The following S100B variants were observed in gnomAD, a reference collection of about 807,000 sequenced individuals.
The protein encoded by S100B is protein S100-B.
In S100B, 6 loss-of-function variants were observed where a neutral mutation model predicts 7.7. The ratio of observed to expected loss-of-function variants is 0.78; its 90% confidence interval spans 0.43 to 1.54. The LOEUF is 1.54. Among genes scored for constraint, S100B ranks in the 40% most tolerant of loss-of-function variants. S100B has a pLI of 0.01. For synonymous variants in S100B, 36 were observed against 40.4 expected (o/e 0.89, Z 0.41); for missense variants, 99 against 111.8 (o/e 0.89, Z 0.52).
At chr21:46,600,588 C>T (rs1279087230) in intron 2 of S100B, among the ~76,000 whole-genome samples, 1 of 152,026 alleles carries the variant, frequency 6.6e-6, no homozygotes, top group East Asian at 1.9e-4. Flanking sequence ...ATTGTAACTC[C>T]ACGGGGGTAG....
chr21:46,599,857 TTC>T (rs1326159932), intron 2 of S100B, among the ~76,000 whole-genome samples: 3 of 152,214 alleles, frequency 2.0e-5, no homozygotes, highest in Admixed American at 2.0e-4. Flanking sequence ...TCCTAAACTT[TTC>T]GTGTGTTCTG....
chr21:46,601,443 G>A (rs2061041086), intron 2 of S100B, among the ~76,000 whole-genome samples: 1 of 152,142 alleles, frequency 6.6e-6, no homozygotes, highest in Non-Finnish European at 1.5e-5. Context: ...TCAGGTACCA[G>A]GGGGATCACA....
Position 46,599,112 on chromosome 21 carries a change from GTT to G in S100B, c.*249_*250del. On this transcript the variant is annotated 3_prime_UTR_variant, in exon 3 of 3. Transcript: ENST00000291700. The stretch of plus-strand genomic sequence containing the variant: ...TTTATCACTGAGACCTGACTCCTAA[GTT>G]ACTGTTAACAAGAGTCCCTGGGGCC... The G allele has an allele frequency of 3.9e-6, 2 of 513,618 alleles. No homozygotes were observed. The highest frequency in any genetic ancestry group is 6.8e-6 in the Non-Finnish European group (2 of 292,594). 31.8% of individuals were successfully genotyped at this position (513,618 alleles called of 1,614,324 possible).
intron 2 of S100B, 62 bp from the exon 3 acceptor site, chr21:46,599,565 A>G (rs1039596466): frequency 9.1e-5 from 135 of 1,475,724 alleles, no homozygotes; most frequent in Middle Eastern, 3.6e-4. Flanking sequence ...CCATCAAAAC[A>G]TGATTAAAAG....
Position 46,599,107 on chromosome 21 carries a change from C to T in S100B, c.*256G>A, listed in dbSNP as rs997988528. ...CACGCTTTATCACTGAGACCTGACT[C>T]CTAAGTTACTGTTAACAAGAGTCCC... On this transcript the variant is annotated 3_prime_UTR_variant, in exon 3 of 3. Transcript: ENST00000291700. 5.9e-6 allele frequency: 3 copies of T among 506,596 alleles called. No individual in the cohort carries two copies. The highest frequency in any genetic ancestry group is 1.0e-5 in the Non-Finnish European group (3 of 288,362). The allele number at this position is 506,596 out of a possible 1,614,324, so 31.4% of individuals were successfully genotyped here. A position where few individuals can be genotyped will look rare whatever the true frequency, so the allele number is the denominator to read the frequency against.
chr21:46,604,100 G>A (rs959203280), intron 1 of S100B, among the ~76,000 whole-genome samples: 5 of 152,132 alleles, frequency 3.3e-5, no homozygotes, highest in Admixed American at 2.0e-4. Flanking sequence ...CAAAGGAAAG[G>A]CATAAAACAT....
intron 1 of S100B, among the ~76,000 whole-genome samples, chr21:46,603,392 A>AGGGGGTGGGGGGAGGGGGGCGGGGG: frequency 2.6e-5 from 1 of 38,230 alleles, no homozygotes; most frequent in East Asian, 1.1e-3. Flanking sequence ...GGACGGCGGG[A>AGGGGGTGGGGGGAGGGGGGCGGGGG]GGGGGTGGGG....
Position 46,598,742 on chromosome 21 carries a change from C to T in S100B, c.*621G>A, listed in dbSNP as rs1055990532. Among the ~76,000 whole-genome samples the T allele has an allele frequency of 2.6e-5, 4 of 152,234 alleles. No individual in the cohort carries two copies. Among genetic ancestry groups the T allele is most frequent in the African/African-American group, 9.6e-5 (4 of 41,470 alleles). On this transcript the variant is annotated 3_prime_UTR_variant, in exon 3 of 3. Transcript: ENST00000291700. ...GCCGCGACTTGAATCGCATGGGTCA[C>T]GGAGGCCACGCTGGAGCCCCCAGAG...
rs1201119177 is a variant in S100B, at chr21:46,598,760, C to T, written c.*603G>A. On this transcript the variant is annotated 3_prime_UTR_variant, in exon 3 of 3. Coordinates refer to ENST00000291700, the MANE Select transcript of S100B (RefSeq NM_006272.3). ...TGGGTCACGGAGGCCACGCTGGAGC[C>T]CCCAGAGCTGGCTCGGATTGCGAGT... is the stretch of plus-strand genomic sequence containing the variant. 6.6e-6 allele frequency among the ~76,000 whole-genome samples: 1 copy of T among 152,226 alleles called. No homozygotes were observed. The highest frequency in any genetic ancestry group is 2.4e-5 in the African/African-American group (1 of 41,468).
chr21:46,599,594 T>C lies in S100B; in HGVS notation c.139-91A>G. 2.6e-6 allele frequency: 3 copies of C among 1,152,080 alleles called. 1 individual carries two copies. The South Asian group carries it at 3.8e-5, about 15-fold the overall frequency. 71.4% of individuals were successfully genotyped at this position (1,152,080 alleles called of 1,614,324 possible). A position where few individuals can be genotyped will look rare whatever the true frequency, so the allele number is the denominator to read the frequency against. ...TTAAAAGTTGAGTGACTCTGATAAT[T>C]TGTGTCCGAAATAACCTAAGAACAT... On this transcript the variant is annotated intron_variant, in intron 2 of 2. Transcript: ENST00000291700.
At chr21:46,601,399 C>A (rs772958373) in intron 2 of S100B, among the ~76,000 whole-genome samples, 1 of 152,136 alleles carries the variant, frequency 6.6e-6, no homozygotes, top group Non-Finnish European at 1.5e-5. Context: ...TGGCTCAAGG[C>A]GTGCCTCAAG....
In S100B at chr21:46,599,101, C is replaced by G. The variant is rs765271822; in HGVS notation, c.*262G>C. On this transcript the variant is annotated 3_prime_UTR_variant, in exon 3 of 3. Coordinates refer to ENST00000291700, the MANE Select transcript of S100B (RefSeq NM_006272.3). The stretch of plus-strand genomic sequence containing the variant: ...ACGGTGCACGCTTTATCACTGAGAC[C>G]TGACTCCTAAGTTACTGTTAACAAG... 27 of 495,774 alleles carry G rather than the reference C, an allele frequency of 5.4e-5. No individual in the cohort carries two copies. The highest frequency in any genetic ancestry group is 8.2e-5 in the Non-Finnish European group (23 of 281,816). 30.7% of individuals were successfully genotyped at this position (495,774 alleles called of 1,614,324 possible). A position where few individuals can be genotyped will look rare whatever the true frequency, so the allele number is the denominator to read the frequency against.
chr21:46,599,275 C>G lies in S100B; in HGVS notation c.*88G>C. 2.4e-6 allele frequency: 3 copies of G among 1,234,294 alleles called. No homozygotes were observed. Among genetic ancestry groups the G allele is most frequent in the Non-Finnish European group, 3.5e-6 (3 of 866,490 alleles). The allele number at this position is 1,234,294 out of a possible 1,614,324, so 76.5% of individuals were successfully genotyped here. A position where few individuals can be genotyped will look rare whatever the true frequency, so the allele number is the denominator to read the frequency against. Reference sequence around the variant, plus strand: ...AATTAGCTACAACACGGCTGGAAAGCTCAGCTCCTACTAGGCTGCAAGCCC... The same window carrying G: ...AATTAGCTACAACACGGCTGGAAAGGTCAGCTCCTACTAGGCTGCAAGCCC... On this transcript the variant is annotated 3_prime_UTR_variant, in exon 3 of 3. Coordinates refer to ENST00000291700, the MANE Select transcript of S100B (RefSeq NM_006272.3).
Position 46,599,035 on chromosome 21 carries a change from G to T in S100B, c.*328C>A. On this transcript the variant is annotated 3_prime_UTR_variant, in exon 3 of 3. Transcript: ENST00000291700. ...CCCCGGGGTAATTTCTGTAGTCAGG[G>T]TTCCCTCCGGGTTAGGGTCTACACG... 3.6e-6 allele frequency: 1 copy of T among 275,622 alleles called. No individual in the cohort carries two copies. Among genetic ancestry groups the T allele is most frequent in the Non-Finnish European group, 6.7e-6 (1 of 150,044 alleles). 17.1% of individuals were successfully genotyped at this position (275,622 alleles called of 1,614,324 possible). A position where few individuals can be genotyped will look rare whatever the true frequency, so the allele number is the denominator to read the frequency against.
At position 46,599,326 on chromosome 21, in the gene S100B, G is replaced by A. The variant is rs9722; in HGVS notation, c.*37C>T. 0.13 allele frequency: 208,891 copies of A among 1,598,392 alleles called. 19,105 individuals carry two copies. Among genetic ancestry groups the A allele is most frequent in the African/African-American group, 0.41 (30,735 of 74,142 alleles). On this transcript the variant is annotated 3_prime_UTR_variant, in exon 3 of 3. Coordinates refer to ENST00000291700, the MANE Select transcript of S100B (RefSeq NM_006272.3). ...TTGCTGTCTGCTTTCTTGCATGACC[G>A]TCTCTGTTACAGGAAAGGTTTGGCT...
Position 46,599,507 on chromosome 21 carries a change from A to G in S100B, c.139-4T>C, listed in dbSNP as rs1487057694. ...CAACCTCCTGCTCTTTGATTTCCTA[A>G]GAGAGATAAAAGGAGTTGCCGACCT... is the stretch of plus-strand genomic sequence containing the variant. On this transcript the variant is annotated splice_polypyrimidine_tract_variant and splice_region_variant and intron_variant, in intron 2 of 2. Transcript: ENST00000291700. 3 of 1,614,042 alleles carry G rather than the reference A, an allele frequency of 1.9e-6. No individual in the cohort carries two copies. Among genetic ancestry groups the G allele is most frequent in the Non-Finnish European group, 8.5e-7 (1 of 1,179,944 alleles).
At chr21:46,600,443 G>T (rs556500403) in intron 2 of S100B, 14 of 394,154 alleles carry the variant, frequency 3.6e-5, no homozygotes, top group African/African-American at 2.6e-4. Flanking sequence ...CTACTCAGGA[G>T]GCTGAGGCGG....
At chr21:46,599,544 G>A (rs887745683) in intron 2 of S100B, 41 bp from the exon 3 acceptor site, 16 of 1,591,546 alleles carry the variant, frequency 1.0e-5, no homozygotes, top group Non-Finnish European at 1.4e-5. Context: ...GTTTTTAAAT[G>A]GAATTTTGGA....
At position 46,602,519 on chromosome 21, in the gene S100B, G is replaced by A. The variant is rs570333000; in HGVS notation, c.-1-103C>T. The A allele has an allele frequency of 2.3e-5, 28 of 1,215,390 alleles. No homozygotes were observed. In the South Asian group the frequency reaches 3.7e-4, roughly 16 times the overall value. 75.3% of individuals were successfully genotyped at this position (1,215,390 alleles called of 1,614,324 possible). A position where few individuals can be genotyped will look rare whatever the true frequency, so the allele number is the denominator to read the frequency against. ...TCAACCCAGACAAGGGGGATGGAAT[G>A]GCCTTGGCACTCTTTTCAAGCTCAG... On this transcript the variant is annotated intron_variant, in intron 1 of 2. Transcript: ENST00000291700.
Sources: allele counts gnomAD v4.1 joint callset (sites outside exome capture counted in the v4.1 genomes callset), GRCh38; gene constraint gnomAD v4.1.1; transcripts MANE v1.5; gene names NCBI Gene and HGNC (gene_info 2026-07-23, HGNC 2026-07-21).